The following RBMS3 variants were observed in gnomAD, a reference collection of about 807,000 sequenced individuals.
RBMS3 encodes the protein RNA-binding motif, single-stranded-interacting protein 3.
Under a neutral mutation model 66.8 loss-of-function variants are expected in RBMS3, and 27 were observed. The observed-to-expected ratio is 0.40, with a 90% CI of 0.30 to 0.56. The LOEUF (loss-of-function observed/expected upper bound fraction) is 0.56. RBMS3 is among the 20% of genes least tolerant of loss of function. RBMS3 has a pLI of 0.40. For synonymous variants in RBMS3, 188 were observed against 183.0 expected (o/e 1.03, Z -0.22); for missense variants, 513 against 549.5 (o/e 0.93, Z 0.66).
intron 4 of RBMS3, among the ~76,000 whole-genome samples, chr3:29,626,362 G>A (rs79012820): frequency 0.016 from 2,364 of 152,210 alleles, 65 homozygotes; most frequent in African/African-American, 0.054. Flanking sequence ...AGGAACATCT[G>A]ATTGAAAGTA....
chr3:29,530,704 A>AT (rs2045318517), intron 3 of RBMS3, among the ~76,000 whole-genome samples: 1 of 109,610 alleles, frequency 9.1e-6, no homozygotes, highest in Non-Finnish European at 2.0e-5. Flanking sequence ...TACTAAAAAT[A>AT]CAAAAAAAAA....
chr3:29,686,957 C>T (rs1195193859), intron 4 of RBMS3, among the ~76,000 whole-genome samples: 2 of 152,108 alleles, frequency 1.3e-5, no homozygotes, highest in African/African-American at 4.8e-5. Flanking sequence ...TATCTTTCTT[C>T]TCTAAGATAA....
At chr3:29,529,926 T>C (rs1022891210) in intron 3 of RBMS3, among the ~76,000 whole-genome samples, 4 of 152,160 alleles carry the variant, frequency 2.6e-5, no homozygotes, top group Admixed American at 2.0e-4. Context: ...AAAACTGATA[T>C]ACTACAGGAT....
intron 1 of RBMS3, among the ~76,000 whole-genome samples, chr3:29,358,264 G>GGCTA (rs1487418416): frequency 6.6e-6 from 1 of 152,058 alleles, no homozygotes; most frequent in Admixed American, 6.6e-5. Context: ...TTCTACTTAT[G>GGCTA]GCTAGCCAGT....
At chr3:30,001,037 A>AT (rs1255466678) in intron 14 of RBMS3, among the ~76,000 whole-genome samples, 3 of 132,852 alleles carry the variant, frequency 2.3e-5, no homozygotes, top group Non-Finnish European at 3.1e-5. Context: ...TTAAAGTATA[A>AT]TAAAAAAAAG....
At chr3:29,965,832 A>G (rs973372407) in intron 12 of RBMS3, among the ~76,000 whole-genome samples, 5 of 152,100 alleles carry the variant, frequency 3.3e-5, no homozygotes, top group African/African-American at 4.8e-5. Flanking sequence ...GGTTTTTCCA[A>G]TATTCTTCCA....
chr3:29,315,526 G>A (rs2034620899), intron 1 of RBMS3, among the ~76,000 whole-genome samples: 1 of 151,628 alleles, frequency 6.6e-6, no homozygotes, highest in African/African-American at 2.4e-5. Context: ...CAAGAAAACT[G>A]TAAGGCTAGG....
intron 1 of RBMS3, among the ~76,000 whole-genome samples, chr3:29,348,738 A>G (rs1486038311): frequency 6.6e-6 from 1 of 152,190 alleles, no homozygotes; most frequent in Non-Finnish European, 1.5e-5. Context: ...CCTTAATTAA[A>G]TGAGGTCACA....
chr3:29,440,512 C>T (rs571222455), intron 2 of RBMS3, among the ~76,000 whole-genome samples: 1 of 152,294 alleles, frequency 6.6e-6, no homozygotes, highest in East Asian at 1.9e-4. Flanking sequence ...GTCAACTGCC[C>T]TGCCCCCACA....
chr3:29,527,331 A>G (rs2045168585), intron 3 of RBMS3, among the ~76,000 whole-genome samples: 1 of 152,174 alleles, frequency 6.6e-6, no homozygotes, highest in South Asian at 2.1e-4. Flanking sequence ...CCATGTAAAC[A>G]AGTAAAGTCC....
At chr3:29,568,543 C>T (rs879465428) in intron 3 of RBMS3, among the ~76,000 whole-genome samples, 2 of 151,918 alleles carry the variant, frequency 1.3e-5, no homozygotes, top group African/African-American at 2.4e-5. Flanking sequence ...TTTAAATGCA[C>T]TTAAATTTAT....
chr3:29,852,747 G>A (rs746621404), intron 6 of RBMS3, among the ~76,000 whole-genome samples: 42 of 152,286 alleles, frequency 2.8e-4, no homozygotes, highest in Non-Finnish European at 4.6e-4. Flanking sequence ...GGAAAACAGT[G>A]TGGCAATTCT....
At chr3:29,663,360 C>T (rs1007726590) in intron 4 of RBMS3, among the ~76,000 whole-genome samples, 2 of 152,152 alleles carry the variant, frequency 1.3e-5, no homozygotes, top group African/African-American at 4.8e-5. Flanking sequence ...TAATTTCTTG[C>T]ATAACGAAGA....
chr3:29,975,669 A>G (rs1697537019), intron 12 of RBMS3, among the ~76,000 whole-genome samples: 1 of 151,884 alleles, frequency 6.6e-6, no homozygotes, highest in Non-Finnish European at 1.5e-5. Context: ...TAGTCTCTCT[A>G]TTCTGTTCCA....
chr3:29,462,643 C>T (rs892792610), intron 2 of RBMS3, among the ~76,000 whole-genome samples: 1 of 152,164 alleles, frequency 6.6e-6, no homozygotes, highest in Non-Finnish European at 1.5e-5. Context: ...TACTTTACCC[C>T]TGTTTCTCTT....
At chr3:29,489,588 A>G (rs536503248) in intron 3 of RBMS3, among the ~76,000 whole-genome samples, 1 of 151,680 alleles carries the variant, frequency 6.6e-6, no homozygotes, top group African/African-American at 2.4e-5. Context: ...TCTAAAACAG[A>G]ATTATCGACA....
At chr3:29,526,930 C>G (rs997498263) in intron 3 of RBMS3, among the ~76,000 whole-genome samples, 1 of 151,932 alleles carries the variant, frequency 6.6e-6, no homozygotes, top group African/African-American at 2.4e-5. Flanking sequence ...TTCAGCCATT[C>G]TCTGCTTTGC....
intron 4 of RBMS3, among the ~76,000 whole-genome samples, chr3:29,652,941 A>G (rs1317853964): frequency 6.6e-6 from 1 of 152,214 alleles, no homozygotes; most frequent in African/African-American, 2.4e-5. Context: ...ACTTTTAGAA[A>G]GCAAGGAAAT....
At chr3:29,407,066 A>G (rs2040049893) in intron 1 of RBMS3, among the ~76,000 whole-genome samples, 1 of 152,234 alleles carries the variant, frequency 6.6e-6, no homozygotes. Context: ...GACTTGATGC[A>G]GAAGCTATGC....
Sources: allele counts gnomAD v4.1 joint callset (sites outside exome capture counted in the v4.1 genomes callset), GRCh38; gene constraint gnomAD v4.1.1; transcripts MANE v1.5; gene names NCBI Gene and HGNC (gene_info 2026-07-23, HGNC 2026-07-21).